The following CCDC18 variants were observed in gnomAD, a reference collection of about 807,000 sequenced individuals.
The protein encoded by CCDC18 is coiled-coil domain-containing protein 18.
A neutral mutation model predicts 196.0 loss-of-function variants in CCDC18; 157 were observed. That is an observed-to-expected ratio of 0.80 (90% CI 0.70 to 0.91). The LOEUF (loss-of-function observed/expected upper bound fraction) is 0.91, where lower values mean the gene tolerates loss of function less well. CCDC18 is among the 40% of genes least tolerant of loss of function. The pLI is 0.00. For synonymous variants in CCDC18, 482 were observed against 529.2 expected (o/e 0.91, Z 1.22); for missense variants, 1,465 against 1,611.6 (o/e 0.91, Z 1.56).
chr1:93,232,710 C>T, intron 18 of CCDC18, 117 bp downstream of exon 18: 1 of 743,338 alleles, frequency 1.3e-6, no homozygotes, highest in South Asian at 2.0e-5. Context: ...GTGGCTCGTG[C>T]CCATAATTCC....
intron 28 of CCDC18, among the ~76,000 whole-genome samples, chr1:93,274,098 C>G (rs1451019396): frequency 6.6e-6 from 1 of 152,034 alleles, no homozygotes; most frequent in Non-Finnish European, 1.5e-5. Context: ...GTTGCTTAGC[C>G]AATTAAGGAT....
At chr1:93,262,165 GA>G (rs1295378981) in intron 26 of CCDC18, 1 of 152,156 alleles carries the variant, frequency 6.6e-6, no homozygotes, top group Non-Finnish European at 1.5e-5. Context: ...ATTACAATTT[GA>G]GATGAGATTC....
chr1:93,242,237 A>AGAAAG (rs1178701778), intron 21 of CCDC18, among the ~76,000 whole-genome samples: 2 of 152,208 alleles, frequency 1.3e-5, no homozygotes, highest in Non-Finnish European at 2.9e-5. Context: ...AATTCACCAA[A>AGAAAG]GAAAGAAGTT....
At chr1:93,272,389 T>TC (rs1665347842) in intron 28 of CCDC18, among the ~76,000 whole-genome samples, 2 of 152,250 alleles carry the variant, frequency 1.3e-5, no homozygotes, top group African/African-American at 4.8e-5. Context: ...ATGCTAGATT[T>TC]CATCAGGCTG....
At chr1:93,188,828 A>G (rs1483597769) in intron 4 of CCDC18, among the ~76,000 whole-genome samples, 1 of 152,010 alleles carries the variant, frequency 6.6e-6, no homozygotes, top group Non-Finnish European at 1.5e-5. Context: ...TCTGTTTCTT[A>G]ATTTTTATTT....
chr1:93,204,758 T>A (rs1394891768), intron 7 of CCDC18, among the ~76,000 whole-genome samples: 2 of 152,020 alleles, frequency 1.3e-5, no homozygotes, highest in African/African-American at 4.8e-5. Flanking sequence ...TTTTTTTAAA[T>A]TTTATTATTA....
At chr1:93,220,371 A>T (rs895625013) in intron 14 of CCDC18, among the ~76,000 whole-genome samples, 4 of 152,172 alleles carry the variant, frequency 2.6e-5, no homozygotes, top group African/African-American at 9.7e-5. Flanking sequence ...ACTTGTTCTA[A>T]AAGAGAATGC....
chr1:93,256,582 A>T lies in CCDC18; in HGVS notation c.3546+44A>T, dbSNP rs764618241. On this transcript the variant is annotated intron_variant, in intron 25 of 28. Transcript: ENST00000690025. ...AATCTTATGTATCTGAAATCTTACA[A>T]ATATTAGCATTTTTTTTGAACTGTA... The T allele has an allele frequency of 5.4e-6, 8 of 1,491,352 alleles. No individual in the cohort carries two copies. In the South Asian group the frequency reaches 9.2e-5, roughly 17 times the overall value. 92.4% of individuals were successfully genotyped at this position (1,491,352 alleles called of 1,614,324 possible). A position where few individuals can be genotyped will look rare whatever the true frequency, so the allele number is the denominator to read the frequency against.
chr1:93,256,655 G>C (rs928934390), intron 25 of CCDC18, 117 bp downstream of exon 25: 3 of 809,360 alleles, frequency 3.7e-6, no homozygotes, highest in Admixed American at 2.6e-5. Flanking sequence ...CAGTGTGAAT[G>C]TACTTAATCC....
intron 21 of CCDC18, among the ~76,000 whole-genome samples, chr1:93,241,473 C>G (rs546120143): frequency 6.4e-4 from 97 of 151,796 alleles, no homozygotes; most frequent in African/African-American, 2.3e-3. Flanking sequence ...CCTGTAATCC[C>G]AACACTTTGG....
intron 18 of CCDC18, 66 bp downstream of exon 18, chr1:93,232,659 A>G (rs1036037500): frequency 4.0e-6 from 5 of 1,265,330 alleles, no homozygotes; most frequent in Middle Eastern, 4.9e-4. Flanking sequence ...TCATGAATAG[A>G]TTTTTCGTTA....
intron 23 of CCDC18, among the ~76,000 whole-genome samples, chr1:93,252,003 A>ATCTATCTGTCTG (rs1553183342): frequency 3.2e-4 from 42 of 131,212 alleles, no homozygotes; most frequent in African/African-American, 5.3e-4. Flanking sequence ...TAGTCTATTT[A>ATCTATCTGTCTG]TCTATCTATC....
intron 10 of CCDC18, among the ~76,000 whole-genome samples, chr1:93,211,308 A>T (rs1655617140): frequency 6.6e-6 from 1 of 151,504 alleles, no homozygotes; most frequent in Non-Finnish European, 1.5e-5. Flanking sequence ...TAATTGAGGA[A>T]TTTAAAAAAT....
chr1:93,180,743 C>A lies in CCDC18; in HGVS notation c.-112C>A, dbSNP rs188955462. The stretch of plus-strand genomic sequence containing the variant: ...CGCGGCGGTTCGAATTCTGTGCTGC[C>A]GGGGTTCGCTGGTTCTCCGAGTTGT... On this transcript the variant is annotated 5_prime_UTR_variant, in exon 1 of 29. Coordinates refer to ENST00000690025, the MANE Select transcript of CCDC18 (RefSeq NM_001378204.1). 4.4e-6 allele frequency: 6 copies of A among 1,366,766 alleles called. No homozygotes were observed. The highest frequency in any genetic ancestry group is 5.9e-6 in the Non-Finnish European group (6 of 1,021,518). The allele number at this position is 1,366,766 out of a possible 1,614,324, so 84.7% of individuals were successfully genotyped here. A position where few individuals can be genotyped will look rare whatever the true frequency, so the allele number is the denominator to read the frequency against.
At chr1:93,216,005 A>G (rs942775866) in intron 12 of CCDC18, among the ~76,000 whole-genome samples, 25 of 152,252 alleles carry the variant, frequency 1.6e-4, no homozygotes, top group African/African-American at 5.8e-4. Flanking sequence ...GCAGTCATCT[A>G]TAGGTACACT....
intron 24 of CCDC18, among the ~76,000 whole-genome samples, 193 bp from the exon 25 acceptor site, chr1:93,256,142 C>A (rs943084862): frequency 1.3e-5 from 2 of 151,770 alleles, no homozygotes; most frequent in Non-Finnish European, 2.9e-5. Flanking sequence ...TTGTCATTTT[C>A]TCATTAGATT....
chr1:93,264,862 TG>T lies in CCDC18; in HGVS notation c.3847del (p.Glu1283LysfsTer2), dbSNP rs1664288485. On this transcript the variant is annotated frameshift_variant, in exon 27 of 29. Transcript: ENST00000690025. LOFTEE classifies it high-confidence loss of function. ...TGCATCAACAAGTCCAAGATAGGAA[TG>T]AAGTAATTGAAGCTGCAAATGAAGC... ...NLHQQVQDRNEVIEAANEALL... is the reference protein window; with the variant it reads ...NLHQQVQDRNXVIEAANEALL... 2 of 1,612,986 alleles carry T rather than the reference TG, an allele frequency of 1.2e-6. No individual in the cohort carries two copies. Among genetic ancestry groups the T allele is most frequent in the South Asian group, 1.1e-5 (1 of 91,060 alleles).
At chr1:93,246,780 AGC>A (rs1469758642) in intron 22 of CCDC18, 56 bp from the exon 23 acceptor site, 1 of 790,028 alleles carries the variant, frequency 1.3e-6, no homozygotes, top group African/African-American at 1.8e-5. Context: ...GCCTATTCTA[AGC>A]ATACAAGTTT....
At chr1:93,211,822 T>C (rs1655695556) in intron 10 of CCDC18, among the ~76,000 whole-genome samples, 1 of 152,192 alleles carries the variant, frequency 6.6e-6, no homozygotes, top group Admixed American at 6.5e-5. Context: ...CTTATACATA[T>C]ATATGAGAGT....
Sources: allele counts gnomAD v4.1 joint callset (sites outside exome capture counted in the v4.1 genomes callset), GRCh38; gene constraint gnomAD v4.1.1; transcripts MANE v1.5; gene names NCBI Gene and HGNC (gene_info 2026-07-23, HGNC 2026-07-21).